Variants in SCARB1 observed in about 807,000 individuals in gnomAD.
SCARB1 encodes CD36 and LIMPII analogous 1.
SCARB1 carries 30 observed loss-of-function variants against 57.2 expected under a neutral mutation model. The observed-to-expected ratio is 0.52, with a 90% CI of 0.39 to 0.71. SCARB1 has a LOEUF of 0.71. Among genes scored for constraint, SCARB1 ranks in the 30% least tolerant of loss-of-function variants. The pLI, the probability that SCARB1 is intolerant of heterozygous loss-of-function variation, is 0.00. For synonymous variants in SCARB1, 249 were observed against 268.3 expected, an observed-to-expected ratio of 0.93 and a Z score of 0.70; for missense variants, 543 against 671.2, an observed-to-expected ratio of 0.81 and a Z score of 2.11.
chr12:124,822,355 G>A lies in SCARB1; in HGVS notation c.127-4648C>T, dbSNP rs1485268774. On this transcript the variant is annotated intron_variant, in intron 1 of 12. Transcript: ENST00000261693. This position sits in a 1 kb window ranked among gnomAD's most constrained non-coding sequence, Gnocchi z 5.0. The stretch of plus-strand genomic sequence containing the variant: ...CTGGCAATCAAAAAGAACCAACCAT[G>A]GATGAACACCACAACACAGGTGAGC... Among the ~76,000 whole-genome samples the A allele has an allele frequency of 6.6e-6, 1 of 152,064 alleles. No individual in the cohort carries two copies. Among genetic ancestry groups the A allele is most frequent in the Non-Finnish European group, 1.5e-5 (1 of 68,026 alleles).
At chr12:124,778,705 G>C in intron 12 of SCARB1, 119 bp from the exon 13 acceptor site, 1 of 1,037,788 alleles carries the variant, frequency 9.6e-7, no homozygotes. Context: ...CCCGCCACCA[G>C]GCTGTCAGAA....
chr12:124,778,223 A>G lies in SCARB1; in HGVS notation c.*364T>C, dbSNP rs1213092036. On this transcript the variant is annotated 3_prime_UTR_variant, in exon 13 of 13. Coordinates refer to ENST00000261693, the MANE Select transcript of SCARB1 (RefSeq NM_005505.5). ...TTGGAGGGGAGGAAGCCTGGGCCCA[A>G]CGGCTGAACGGGACAGGCCAGGCTC... is the stretch of plus-strand genomic sequence containing the variant. The G allele has an allele frequency of 1.8e-5, 7 of 382,114 alleles. No individual in the cohort carries two copies. Among genetic ancestry groups the G allele is most frequent in the Admixed American group, 9.1e-5 (2 of 21,960 alleles). The allele number at this position is 382,114 out of a possible 1,614,324, so 23.7% of individuals were successfully genotyped here. A position where few individuals can be genotyped will look rare whatever the true frequency, so the allele number is the denominator to read the frequency against.
chr12:124,819,575 C>A (rs936817373), intron 1 of SCARB1, among the ~76,000 whole-genome samples: 3 of 152,172 alleles, frequency 2.0e-5, no homozygotes, highest in African/African-American at 7.2e-5. Context: ...TCAACCCAGC[C>A]GGGACATATC....
chr12:124,863,691 A>G lies in SCARB1; in HGVS notation c.30T>C (p.Ala10=), dbSNP rs1952998911. 1 of 1,548,134 alleles carries G rather than the reference A, an allele frequency of 6.5e-7. No individual in the cohort carries two copies. Among genetic ancestry groups the G allele is most frequent in the Non-Finnish European group, 8.7e-7 (1 of 1,147,684 alleles). ...GCCCCGCGACGCCCAGCGCCCCGGCAGCCCAGCGCGCTTTGGCGGAGCAGC... is the reference window on the plus strand; with the variant it reads ...GCCCCGCGACGCCCAGCGCCCCGGCGGCCCAGCGCGCTTTGGCGGAGCAGC... MGCSAKARW[A]AGALGVAGLL... The change falls in exon 1 of 13, where the codon GCT becomes GCC. Residue 10 remains alanine (A), a synonymous_variant. Transcript: ENST00000261693.
In SCARB1 at chr12:124,811,973, C is replaced by G. The variant is rs1372897231; in HGVS notation, c.631-8G>C. 2 of 1,607,242 alleles carry G rather than the reference C, an allele frequency of 1.2e-6. No homozygotes were observed. Among genetic ancestry groups the G allele is most frequent in the Non-Finnish European group, 8.5e-7 (1 of 1,175,738 alleles). On this transcript the variant is annotated splice_region_variant and splice_polypyrimidine_tract_variant and intron_variant, in intron 4 of 12. Coordinates refer to ENST00000261693, the MANE Select transcript of SCARB1 (RefSeq NM_005505.5). ...AGAGTCGGAGTTGTTGAGCTACAGA[C>G]ACAGCAGGGAACAGCATCGTAAGGC...
intron 1 of SCARB1, among the ~76,000 whole-genome samples, chr12:124,837,548 G>A (rs919551482): frequency 0.058 from 696 of 11,976 alleles, 50 homozygotes; most frequent in East Asian, 0.5. Context: ...GAAAAGAAAA[G>A]AAAAGAAAAG....
In SCARB1 at chr12:124,787,507, C is replaced by G. The variant is rs112283473; in HGVS notation, c.1203-50G>C. On this transcript the variant is annotated intron_variant, in intron 9 of 12. Transcript: ENST00000261693. ...TGTGAAACAAAGTCTTACACCCAAA[C>G]TTGATCTAATTCTGCTTGAATACAA... is the stretch of plus-strand genomic sequence containing the variant. 524 of 1,538,632 alleles carry G rather than the reference C, an allele frequency of 3.4e-4. 1 individual carries two copies. The African/African-American group carries it at 3.8e-3, about 11-fold the overall frequency.
At chr12:124,826,386 C>G (rs1240414820) in intron 1 of SCARB1, among the ~76,000 whole-genome samples, 1 of 150,726 alleles carries the variant, frequency 6.6e-6, no homozygotes, top group East Asian at 1.9e-4. Flanking sequence ...TGTTAATCTG[C>G]TTAACTGTAG....
At chr12:124,861,102 A>G (rs1010219969) in intron 1 of SCARB1, among the ~76,000 whole-genome samples, 17 of 152,086 alleles carry the variant, frequency 1.1e-4, no homozygotes, top group Non-Finnish European at 2.1e-4. Context: ...TTTACGAGCA[A>G]GTATTCATAT....
intron 1 of SCARB1, among the ~76,000 whole-genome samples, chr12:124,859,949 A>ATTTTT (rs63359362): frequency 8.5e-6 from 1 of 117,958 alleles, no homozygotes; most frequent in African/African-American, 3.2e-5. Context: ...AAGTTCCTTC[A>ATTTTT]TTTTTTTTTT....
At position 124,817,700 on chromosome 12, in the gene SCARB1, C is replaced by T. The variant is rs1380121154; in HGVS notation, c.134G>A (p.Arg45His). ...GAAGGACAGGCTACTGGGGTCGATG[C>T]GCACGTTCTGCAGGGGAAGGGACAA... ...LIKQQVLKNV[R>H]IDPSSLSFNM... is the part of the protein sequence containing the mutation. The change falls in exon 2 of 13, where the codon CGC becomes CAC. Residue 45 changes from arginine to histidine, a missense_variant. Coordinates refer to ENST00000261693, the MANE Select transcript of SCARB1 (RefSeq NM_005505.5). This position sits in a 1 kb window ranked among gnomAD's most constrained non-coding sequence, Gnocchi z 4.8. 2.5e-6 allele frequency: 4 copies of T among 1,614,002 alleles called. No individual in the cohort carries two copies. The highest frequency in any genetic ancestry group is 3.4e-6 in the Non-Finnish European group (4 of 1,180,018).
chr12:124,808,877 C>A (rs1255712935), intron 6 of SCARB1, among the ~76,000 whole-genome samples: 1 of 152,042 alleles, frequency 6.6e-6, no homozygotes, highest in Non-Finnish European at 1.5e-5. Flanking sequence ...GAAATGATCC[C>A]ATTTTTGATA....
Position 124,789,305 on chromosome 12 carries a change from A to G in SCARB1, c.1203-1848T>C, listed in dbSNP as rs1949637819. 6.6e-6 allele frequency among the ~76,000 whole-genome samples: 1 copy of G among 152,194 alleles called. No homozygotes were observed. The highest frequency in any genetic ancestry group is 1.5e-5 in the Non-Finnish European group (1 of 68,026). ...AAAAGCACCAGACCAATCCCAGTAGAGGGTCATCCTACAAAATACCTGACC... is the reference window on the plus strand; with the variant it reads ...AAAAGCACCAGACCAATCCCAGTAGGGGGTCATCCTACAAAATACCTGACC... On this transcript the variant is annotated intron_variant, in intron 9 of 12. Transcript: ENST00000261693. This position sits in a 1 kb window ranked among gnomAD's most constrained non-coding sequence, Gnocchi z 4.4.
intron 1 of SCARB1, among the ~76,000 whole-genome samples, chr12:124,831,355 G>A (rs1251412780): frequency 6.6e-6 from 1 of 152,142 alleles, no homozygotes; most frequent in Non-Finnish European, 1.5e-5. Flanking sequence ...GACCTCAGGT[G>A]ATCGGCCCAC....
chr12:124,787,498 AC>A, intron 9 of SCARB1, 41 bp from the exon 10 acceptor site: 1 of 1,577,748 alleles, frequency 6.3e-7, no homozygotes, highest in Non-Finnish European at 8.7e-7. Flanking sequence ...ACAAAGTCTT[AC>A]ACCCAAACTT....
chr12:124,854,147 G>A (rs1409350863), intron 1 of SCARB1, among the ~76,000 whole-genome samples: 1 of 152,184 alleles, frequency 6.6e-6, no homozygotes, highest in African/African-American at 2.4e-5. Flanking sequence ...GGGTAAGGAG[G>A]GCTGGCAGCA....
At chr12:124,793,886 AC>A in intron 9 of SCARB1, among the ~76,000 whole-genome samples, 1 of 152,284 alleles carries the variant, frequency 6.6e-6, no homozygotes, top group Non-Finnish European at 1.5e-5. Context: ...ATTATGCATA[AC>A]GGCCCAGGCG....
At chr12:124,782,997 G>A (rs1007775174) in intron 11 of SCARB1, 186 bp from the exon 12 acceptor site, 1 of 599,232 alleles carries the variant, frequency 1.7e-6, no homozygotes, top group Admixed American at 2.8e-5. Flanking sequence ...ATAAGTACAA[G>A]CATCTTCAGG....
rs553411195 is a variant in SCARB1 at position 124,844,967 on chromosome 12, C to G, written c.126+18628G>C. Among the ~76,000 whole-genome samples the G allele has an allele frequency of 2.0e-5, 3 of 152,136 alleles. No homozygotes were observed. The South Asian group carries it at 6.2e-4, about 32-fold the overall frequency. On this transcript the variant is annotated intron_variant, in intron 1 of 12. Transcript: ENST00000261693. ...CTCGAAGAGCCTGTCCATGGTCACA[C>G]AGCAGCAGGAGGCAGGGCCGGGATC...
Sources: gnomAD v4.1 joint callset for allele counts (sites outside exome capture counted in the v4.1 genomes callset) on GRCh38, gnomAD v4.1.1 for gene constraint, Gnocchi (gnomAD v3.1) non-coding constraint, MANE v1.5 for transcripts, NCBI Gene and HGNC (gene_info 2026-07-23, HGNC 2026-07-21) for gene names.